The following HACE1 variants were observed in gnomAD, a reference collection of about 807,000 sequenced individuals.
HACE1 encodes HECT domain and ankyrin repeat containing E3 ubiquitin protein ligase 1.
Under a neutral mutation model 118.4 loss-of-function variants are expected in HACE1, and 73 were observed. The ratio of observed to expected loss-of-function variants is 0.62; its 90% confidence interval spans 0.51 to 0.75. HACE1 has a LOEUF of 0.75. HACE1 is among the 30% of genes least tolerant of loss of function. HACE1 has a pLI of 0.00. For missense variants in HACE1, 749 were observed against 1,102.2 expected (o/e 0.68, Z 4.54); for synonymous variants, 368 against 374.8 (o/e 0.98, Z 0.21).
At chr6:104,821,936 C>T (rs1485403577) in intron 6 of HACE1, among the ~76,000 whole-genome samples, 1 of 152,060 alleles carries the variant, frequency 6.6e-6, no homozygotes, top group East Asian at 1.9e-4. Context: ...TAAAGTAATG[C>T]TATTTTCATG....
At position 104,744,180 on chromosome 6, in the gene HACE1, GAGA is replaced by G. The variant is rs869025283; in HGVS notation, c.2490_2492del (p.Leu832del). 4 of 1,599,698 alleles carry G rather than the reference GAGA, an allele frequency of 2.5e-6. No homozygotes were observed. Among genetic ancestry groups the G allele is most frequent in the South Asian group, 1.1e-5 (1 of 90,776 alleles). On this transcript the variant is annotated inframe_deletion, in exon 22 of 24. Coordinates refer to ENST00000262903, the MANE Select transcript of HACE1 (RefSeq NM_020771.4). ...CTTACCTGCCCGTAACAAACTGTAA[GAGA>G]AGAACTCTCTCCTCTTGAGTAATGT...
At chr6:104,801,968 C>A (rs941712989) in intron 7 of HACE1, among the ~76,000 whole-genome samples, 8 of 150,216 alleles carry the variant, frequency 5.3e-5, no homozygotes, top group Admixed American at 2.0e-4. Context: ...CCCATCTCAC[C>A]TGCAGAAACA....
intron 20 of HACE1, among the ~76,000 whole-genome samples, chr6:104,749,063 A>C (rs1400603941): frequency 1.3e-5 from 2 of 152,174 alleles, no homozygotes; most frequent in Non-Finnish European, 2.9e-5. Context: ...AAACTTATTG[A>C]TATCAGTAAA....
intron 6 of HACE1, among the ~76,000 whole-genome samples, chr6:104,831,591 AAAAAG>A (rs1554258827): frequency 2.9e-5 from 4 of 138,906 alleles, no homozygotes; most frequent in Non-Finnish European, 4.7e-5. Flanking sequence ...TCTCAAAAAA[AAAAAG>A]AAAAGAAAAG....
At chr6:104,766,992 A>C (rs1054001792) in intron 19 of HACE1, 2 of 152,236 alleles carry the variant, frequency 1.3e-5, no homozygotes, top group African/African-American at 2.4e-5. Context: ...CACAGAGTTA[A>C]GTATAATACC....
Position 104,859,403 on chromosome 6 carries a change from A to T in HACE1, c.76+164T>A, listed in dbSNP as rs142106181. ...CCTGCCGGGGTGGGAGCGTCGGGCC[A>T]GGGGAGTTCGGGGCCCGGGGCCGCC... On this transcript the variant is annotated intron_variant, in intron 1 of 23. Coordinates refer to ENST00000262903, the MANE Select transcript of HACE1 (RefSeq NM_020771.4). The T allele has an allele frequency of 8.9e-4, 520 of 587,520 alleles. 2 individuals carry two copies. In the African/African-American group the frequency reaches 9.6e-3, roughly 11 times the overall value. The allele number at this position is 587,520 out of a possible 1,614,324, so 36.4% of individuals were successfully genotyped here.
intron 22 of HACE1, among the ~76,000 whole-genome samples, chr6:104,733,173 T>G (rs1775397963): frequency 6.6e-6 from 1 of 152,216 alleles, no homozygotes; most frequent in African/African-American, 2.4e-5. Flanking sequence ...CAAGGCAAGA[T>G]GAGAAAATAA....
chr6:104,847,433 T>C (rs2486139), intron 4 of HACE1, among the ~76,000 whole-genome samples: 151,980 of 152,370 alleles, frequency 1, 75,795 homozygotes, highest in Middle Eastern at 1. Context: ...TTACAAGATA[T>C]CTAACATGGC....
Position 104,852,344 on chromosome 6 carries a change from A to C in HACE1, c.104T>G (p.Met35Arg). ...EDNETAVYTL[M>R]PMVMADQHRS... is the part of the protein sequence containing the mutation. ...GTGTTGATCAGCCATAACCATTGGC[A>C]TTAATGTATAAACAGCAGTTTCATT... The change falls in exon 2 of 24, where the codon ATG becomes AGG. Residue 35 changes from methionine (M) to arginine (R), a missense_variant. By Grantham distance (91) the Met-to-Arg change is moderately conservative. Coordinates refer to ENST00000262903, the MANE Select transcript of HACE1 (RefSeq NM_020771.4). 6.2e-7 allele frequency: 1 copy of C among 1,609,052 alleles called. No individual in the cohort carries two copies. The highest frequency in any genetic ancestry group is 8.5e-7 in the Non-Finnish European group (1 of 1,175,828).
intron 22 of HACE1, among the ~76,000 whole-genome samples, chr6:104,733,472 T>G (rs943003437): frequency 2.0e-5 from 3 of 152,132 alleles, no homozygotes; most frequent in African/African-American, 7.2e-5. Context: ...GAAAAATAAA[T>G]AAAACAGTCT....
intron 22 of HACE1, among the ~76,000 whole-genome samples, chr6:104,734,159 A>T (rs968078148): frequency 1.3e-5 from 2 of 151,620 alleles, no homozygotes; most frequent in Non-Finnish European, 1.5e-5. Context: ...AAAAAAAAAA[A>T]AAAGAAATCA....
At chr6:104,849,329 T>C in intron 3 of HACE1, 83 bp from the exon 4 acceptor site, 4 of 876,368 alleles carry the variant, frequency 4.6e-6, no homozygotes, top group East Asian at 2.5e-5. Flanking sequence ...CAAAATATTC[T>C]ATTAAACACA....
chr6:104,775,159 T>C (rs1196438579), intron 17 of HACE1, among the ~76,000 whole-genome samples: 2 of 152,130 alleles, frequency 1.3e-5, no homozygotes, highest in Non-Finnish European at 2.9e-5. Flanking sequence ...CTCGGCAGCA[T>C]GGCGAAACCT....
At chr6:104,754,937 A>G (rs989152769) in intron 19 of HACE1, among the ~76,000 whole-genome samples, 1 of 152,164 alleles carries the variant, frequency 6.6e-6, no homozygotes, top group Non-Finnish European at 1.5e-5. Context: ...ATACATAACA[A>G]TACTAACATT....
At chr6:104,780,754 T>G (rs1174077716) in intron 14 of HACE1, among the ~76,000 whole-genome samples, 11 of 152,200 alleles carry the variant, frequency 7.2e-5, no homozygotes, top group African/African-American at 2.7e-4. Context: ...ATTTCAAGTC[T>G]TGCCAATTTT....
chr6:104,756,257 A>G (rs1046380537), intron 19 of HACE1, among the ~76,000 whole-genome samples: 2 of 151,634 alleles, frequency 1.3e-5, no homozygotes, highest in African/African-American at 4.8e-5. Context: ...CTAAAAACAC[A>G]AAAAATTAGC....
intron 19 of HACE1, 28 bp from the exon 20 acceptor site, chr6:104,750,500 C>T: frequency 6.2e-7 from 1 of 1,607,198 alleles, no homozygotes; most frequent in Non-Finnish European, 8.5e-7. Flanking sequence ...TTCATGATGA[C>T]TTTTCAAAAA....
chr6:104,830,510 C>T lies in HACE1; in HGVS notation c.534+2532G>A, dbSNP rs747325760. Among the ~76,000 whole-genome samples the T allele has an allele frequency of 9.5e-4, 144 of 152,272 alleles. 1 individual carries two copies. The highest frequency in any genetic ancestry group is 6.8e-3 in the Middle Eastern group (2 of 294). On this transcript the variant is annotated intron_variant, in intron 6 of 23. Coordinates refer to ENST00000262903, the MANE Select transcript of HACE1 (RefSeq NM_020771.4). ...CATAAGACAATGTCACCTTTGCCTA[C>T]TATCTTGAAGAAGTCCAATATTCTG...
At chr6:104,731,001 T>G (rs1775143082) in intron 22 of HACE1, 1 of 158,460 alleles carries the variant, frequency 6.3e-6, no homozygotes, top group South Asian at 1.8e-4. Context: ...ATCAAATATA[T>G]TTTTCAAACA....
Sources: gnomAD v4.1 joint callset for allele counts (sites outside exome capture counted in the v4.1 genomes callset) on GRCh38, gnomAD v4.1.1 for gene constraint, MANE v1.5 for transcripts, NCBI Gene and HGNC (gene_info 2026-07-23, HGNC 2026-07-21) for gene names.